MRPL58: variants seen among roughly 807,000 people sequenced by gnomAD.
MRPL58 encodes mitochondrial ribosomal protein L58, also known as large ribosomal subunit protein mL62.
In MRPL58, 17 loss-of-function variants were observed where a neutral mutation model predicts 26.0. The observed-to-expected ratio is 0.65, with a 90% CI of 0.45 to 0.98. The LOEUF is 0.98. Among genes scored for constraint, MRPL58 ranks in the 50% least tolerant of loss-of-function variants. MRPL58 has a pLI of 0.00. For missense variants in MRPL58, 250 were observed against 269.0 expected (o/e 0.93, Z 0.49); for synonymous variants, 100 against 99.7 (o/e 1.00, Z -0.02).
At chr17:75,016,852 G>A (rs979018490) in intron 1 of MRPL58, among the ~76,000 whole-genome samples, 4 of 152,238 alleles carry the variant, frequency 2.6e-5, no homozygotes, top group Non-Finnish European at 5.9e-5. Context: ...GGGCAGGGAA[G>A]GCTGGAGACA....
At chr17:75,014,727 G>A (rs755341208) in intron 1 of MRPL58, among the ~76,000 whole-genome samples, 14 of 152,012 alleles carry the variant, frequency 9.2e-5, no homozygotes, top group Non-Finnish European at 2.1e-4. Context: ...GATTACAGGC[G>A]TGAGCCACCA....
At position 75,020,871 on chromosome 17, in the gene MRPL58, A is replaced by C. The variant is rs1386563142; in HGVS notation, c.537-50A>C. The C allele has an allele frequency of 2.7e-6, 4 of 1,477,352 alleles. No homozygotes were observed. In the East Asian group the frequency reaches 9.0e-5, roughly 33 times the overall value. The allele number at this position is 1,477,352 out of a possible 1,614,324, so 91.5% of individuals were successfully genotyped here. On this transcript the variant is annotated intron_variant, in intron 5 of 5. Coordinates refer to ENST00000301585, the MANE Select transcript of MRPL58 (RefSeq NM_001545.3). ...GCTCCCAACTCCTCTCACCACTTTG[A>C]AAAGCACTGATTGGGCATCTGGGGC...
intron 3 of MRPL58, 179 bp from the exon 4 acceptor site, chr17:75,020,134 T>G (rs2040004582): frequency 1.7e-6 from 1 of 588,674 alleles, no homozygotes; most frequent in East Asian, 2.8e-5. Context: ...AGTCTATTTT[T>G]GCCCAAAAGT....
chr17:75,017,290 T>G (rs1177512159), intron 2 of MRPL58, among the ~76,000 whole-genome samples, 176 bp downstream of exon 2: 2 of 149,034 alleles, frequency 1.3e-5, no homozygotes, highest in African/African-American at 2.5e-5. Context: ...AAACTCTATC[T>G]GGAAAAAATT....
intron 1 of MRPL58, among the ~76,000 whole-genome samples, chr17:75,016,492 C>T (rs2039975329): frequency 1.3e-5 from 2 of 152,068 alleles, no homozygotes; most frequent in Non-Finnish European, 2.9e-5. Flanking sequence ...CCAGAAAAGC[C>T]TCGGAGTGGG....
intron 3 of MRPL58, 22 bp from the exon 4 acceptor site, chr17:75,020,291 C>T (rs764244199): frequency 2.5e-6 from 4 of 1,601,526 alleles, no homozygotes; most frequent in South Asian, 1.1e-5. Context: ...CACCCATGCT[C>T]CCTTCTCCCT....
rs750357888 is a variant in MRPL58, at chr17:75,017,108, C to A, written c.217C>A (p.Pro73Thr). Residue 73 changes from proline to threonine, a missense_variant, in exon 2 of 6, where the codon CCT becomes ACT. Pro to Thr is a conservative substitution (Grantham distance 38, BLOSUM62 -1). Coordinates refer to ENST00000301585, the MANE Select transcript of MRPL58 (RefSeq NM_001545.3). ...TGCAAAGCAAGCCGACAGTGACATCCCTCTAGGTAAGTAATTTTGTTTTCT... is the reference window on the plus strand; with the variant it reads ...TGCAAAGCAAGCCGACAGTGACATCACTCTAGGTAAGTAATTTTGTTTTCT... ...NGAKQADSDI[P>T]LDRLTISYCR... 2 of 1,611,726 alleles carry A rather than the reference C, an allele frequency of 1.2e-6. No individual in the cohort carries two copies. Among genetic ancestry groups the A allele is most frequent in the Non-Finnish European group, 1.7e-6 (2 of 1,177,956 alleles).
At chr17:75,020,706 A>ACTCTT in intron 5 of MRPL58, 49 bp downstream of exon 5, 3 of 1,567,980 alleles carry the variant, frequency 1.9e-6, no homozygotes, top group Non-Finnish European at 2.6e-6. Flanking sequence ...TGTGGACAAG[A>ACTCTT]GTCTACACAG....
intron 1 of MRPL58, among the ~76,000 whole-genome samples, chr17:75,015,755 C>A (rs891541027): frequency 6.6e-6 from 1 of 151,990 alleles, no homozygotes; most frequent in Non-Finnish European, 1.5e-5. Context: ...CCAAATAATT[C>A]TTTTTCTTTT....
At chr17:75,016,278 T>C (rs561835224) in intron 1 of MRPL58, among the ~76,000 whole-genome samples, 61 of 149,838 alleles carry the variant, frequency 4.1e-4, no homozygotes, top group African/African-American at 1.5e-3. Flanking sequence ...TAGCTAGGCA[T>C]GGTGGCATGC....
At chr17:75,018,880 C>CTG (rs145674376) in intron 2 of MRPL58, among the ~76,000 whole-genome samples, 8,418 of 152,066 alleles carry the variant, frequency 0.055, 586 homozygotes, top group African/African-American at 0.17. Context: ...CAAGATGACT[C>CTG]AAACAGAGGC....
At chr17:75,013,382 T>C (rs1175564130) in intron 1 of MRPL58, among the ~76,000 whole-genome samples, 2 of 152,128 alleles carry the variant, frequency 1.3e-5, no homozygotes, top group South Asian at 2.1e-4. Context: ...CCCAAACCCA[T>C]TGAGCTTCCA....
chr17:75,021,232 T>C lies in MRPL58; in HGVS notation c.*227T>C, dbSNP rs979564160. ...TGTCAAACCTTAATAATGCACCTCA[T>C]GTATTAGTCACAATAAAAATCAGAA... On this transcript the variant is annotated 3_prime_UTR_variant, in exon 6 of 6. Transcript: ENST00000301585. The C allele has an allele frequency of 7.5e-6, 4 of 535,920 alleles. No homozygotes were observed. Among genetic ancestry groups the C allele is most frequent in the African/African-American group, 3.8e-5 (2 of 52,720 alleles). 33.2% of individuals were successfully genotyped at this position (535,920 alleles called of 1,614,324 possible). A position where few individuals can be genotyped will look rare whatever the true frequency, so the allele number is the denominator to read the frequency against.
At chr17:75,013,007 G>T in intron 1 of MRPL58, 135 bp downstream of exon 1, 1 of 796,732 alleles carries the variant, frequency 1.3e-6, no homozygotes, top group Non-Finnish European at 2.0e-6. Context: ...GGGGCTGGCT[G>T]TCTGCGCTAA....
chr17:75,021,105 T>A lies in MRPL58; in HGVS notation c.*100T>A, dbSNP rs1567981717. Reference sequence around the variant, plus strand: ...GGAGATTTCTGTTTTTCTTTTTGGCTGTTAATGCTTGTCTATAACATTGGA... The same window carrying A: ...GGAGATTTCTGTTTTTCTTTTTGGCAGTTAATGCTTGTCTATAACATTGGA... On this transcript the variant is annotated 3_prime_UTR_variant, in exon 6 of 6. Coordinates refer to ENST00000301585, the MANE Select transcript of MRPL58 (RefSeq NM_001545.3). 2 of 755,434 alleles carry A rather than the reference T, an allele frequency of 2.6e-6. No individual in the cohort carries two copies. Among genetic ancestry groups the A allele is most frequent in the East Asian group, 5.2e-5 (2 of 38,734 alleles). 46.8% of individuals were successfully genotyped at this position (755,434 alleles called of 1,614,324 possible).
chr17:75,013,541 G>A (rs2039949628), intron 1 of MRPL58, among the ~76,000 whole-genome samples: 1 of 152,230 alleles, frequency 6.6e-6, no homozygotes, highest in African/African-American at 2.4e-5. Context: ...AGGGAGACAA[G>A]CAGTAAGTAA....
intron 1 of MRPL58, among the ~76,000 whole-genome samples, chr17:75,014,883 G>T (rs1202479776): frequency 6.6e-6 from 1 of 152,196 alleles, no homozygotes; most frequent in East Asian, 1.9e-4. Context: ...CTTGAGTCTA[G>T]CATATACAGC....
chr17:75,013,101 C>T (rs538462603), intron 1 of MRPL58, among the ~76,000 whole-genome samples: 7 of 152,324 alleles, frequency 4.6e-5, no homozygotes, highest in African/African-American at 1.7e-4. Context: ...TTCAAGGCTG[C>T]CAGCTTTTCT....
chr17:75,016,130 G>A (rs988077079), intron 1 of MRPL58, among the ~76,000 whole-genome samples: 6 of 151,532 alleles, frequency 4.0e-5, no homozygotes, highest in Non-Finnish European at 8.8e-5. Context: ...CAGGCTGGGC[G>A]TGGTGGCTCA....
Sources: allele counts gnomAD v4.1 joint callset (sites outside exome capture counted in the v4.1 genomes callset), GRCh38; gene constraint gnomAD v4.1.1; transcripts MANE v1.5; gene names NCBI Gene and HGNC (gene_info 2026-07-23, HGNC 2026-07-21).